The following SEMA5A variants were observed in gnomAD, a reference collection of about 807,000 sequenced individuals.
SEMA5A encodes the protein semaphorin-5A.
SEMA5A carries 55 observed loss-of-function variants against 135.5 expected under a neutral mutation model. That is an observed-to-expected ratio of 0.41 (90% CI 0.33 to 0.51). SEMA5A has a LOEUF of 0.51. Ranked by LOEUF, SEMA5A falls within the 20% of genes least tolerant of loss-of-function variation. The pLI, the probability that SEMA5A is intolerant of heterozygous loss-of-function variation, is 0.37. For synonymous variants in SEMA5A, 580 were observed against 546.5 expected, an observed-to-expected ratio of 1.06 and a Z score of -0.85; for missense variants, 1,290 against 1,419.9, an observed-to-expected ratio of 0.91 and a Z score of 1.47.
chr5:9,094,200 T>C (rs946459100), intron 16 of SEMA5A, among the ~76,000 whole-genome samples: 2 of 152,232 alleles, frequency 1.3e-5, no homozygotes, highest in African/African-American at 2.4e-5. Context: ...CATGTTTTCA[T>C]TGACTAAATA....
At chr5:9,405,903 A>G (rs545483244) in intron 2 of SEMA5A, among the ~76,000 whole-genome samples, 19 of 152,320 alleles carry the variant, frequency 1.2e-4, no homozygotes, top group South Asian at 2.1e-4. Flanking sequence ...TGCATCATAT[A>G]AGGTCACAAG....
chr5:9,315,875 G>C (rs1224413310), intron 5 of SEMA5A, among the ~76,000 whole-genome samples: 1 of 152,026 alleles, frequency 6.6e-6, no homozygotes, highest in Non-Finnish European at 1.5e-5. Flanking sequence ...TAATTAATAA[G>C]TATCATATAG....
intron 11 of SEMA5A, among the ~76,000 whole-genome samples, chr5:9,173,677 C>T (rs1471959427): frequency 6.6e-6 from 1 of 152,174 alleles, no homozygotes; most frequent in African/African-American, 2.4e-5. Context: ...AAGGTTTCAA[C>T]TTATTTTCAA....
In SEMA5A at chr5:9,520,274, G is replaced by T. The variant is rs574231610; in HGVS notation, c.-175+25310C>A. ...TGGACATACAGTGAAGGAAGCAAAG[G>T]CTCTGCCTCGTGGGACCCACACTCC... On this transcript the variant is annotated intron_variant, in intron 1 of 22. Transcript: ENST00000382496. Among the ~76,000 whole-genome samples, 7 of 152,350 alleles carry T rather than the reference G, an allele frequency of 4.6e-5. No homozygotes were observed. In the East Asian group the frequency reaches 1.2e-3, roughly 25 times the overall value.
intron 16 of SEMA5A, among the ~76,000 whole-genome samples, chr5:9,071,143 C>A (rs534752523): frequency 2.0e-4 from 30 of 152,230 alleles, no homozygotes; most frequent in African/African-American, 6.7e-4. Flanking sequence ...TAAATAATTC[C>A]TCCAAATATG....
intron 1 of SEMA5A, among the ~76,000 whole-genome samples, chr5:9,444,015 C>A (rs1335171381): frequency 1.3e-5 from 2 of 152,210 alleles, no homozygotes; most frequent in Non-Finnish European, 1.5e-5. Flanking sequence ...GGGTCAGAGG[C>A]TGATCCATGG....
At chr5:9,487,362 C>T (rs1311067401) in intron 1 of SEMA5A, among the ~76,000 whole-genome samples, 1 of 152,010 alleles carries the variant, frequency 6.6e-6, no homozygotes, top group Non-Finnish European at 1.5e-5. Context: ...AAACTGAAGG[C>T]CAGGGAGTTA....
intron 4 of SEMA5A, among the ~76,000 whole-genome samples, chr5:9,337,243 A>G (rs904980254): frequency 1.3e-5 from 2 of 152,196 alleles, no homozygotes; most frequent in African/African-American, 2.4e-5. Context: ...GCCTTGGGGT[A>G]CACATCAAGA....
At chr5:9,217,712 T>A (rs1746713098) in intron 8 of SEMA5A, among the ~76,000 whole-genome samples, 1 of 152,250 alleles carries the variant, frequency 6.6e-6, no homozygotes, top group South Asian at 2.1e-4. Flanking sequence ...TTCTTTTTTC[T>A]TTGACTGTCT....
intron 1 of SEMA5A, among the ~76,000 whole-genome samples, chr5:9,496,752 A>G (rs908987046): frequency 6.6e-6 from 1 of 152,190 alleles, no homozygotes; most frequent in Admixed American, 6.5e-5. Context: ...GTATTCAATT[A>G]CCTGAGGAAG....
chr5:9,252,636 G>T (rs1227042890), intron 5 of SEMA5A, among the ~76,000 whole-genome samples: 1 of 152,142 alleles, frequency 6.6e-6, no homozygotes, highest in African/African-American at 2.4e-5. Context: ...AAGCATGGAG[G>T]TCATCAAGCC....
At chr5:9,229,492 G>A (rs1252706817) in intron 6 of SEMA5A, among the ~76,000 whole-genome samples, 2 of 152,098 alleles carry the variant, frequency 1.3e-5, no homozygotes, top group Non-Finnish European at 2.9e-5. Context: ...GGCAGAGTGA[G>A]GATAAAAGAA....
intron 3 of SEMA5A, among the ~76,000 whole-genome samples, chr5:9,379,427 A>C (rs892501833): frequency 6.6e-6 from 1 of 152,200 alleles, no homozygotes; most frequent in African/African-American, 2.4e-5. Context: ...ACAAAGGGCT[A>C]GGTTTGTGGC....
chr5:9,066,682 G>A (rs749153688), intron 16 of SEMA5A, 36 bp from the exon 17 acceptor site: 2 of 1,588,350 alleles, frequency 1.3e-6, no homozygotes, highest in Admixed American at 3.3e-5. Flanking sequence ...TACTATACGG[G>A]GTAAACAGAG....
intron 5 of SEMA5A, among the ~76,000 whole-genome samples, chr5:9,304,260 T>G (rs1196606590): frequency 6.6e-6 from 1 of 152,132 alleles, no homozygotes; most frequent in East Asian, 1.9e-4. Flanking sequence ...ACTTTCTCTT[T>G]GTTAAACTTG....
At chr5:9,504,910 G>C (rs1302318974) in intron 1 of SEMA5A, among the ~76,000 whole-genome samples, 2 of 152,186 alleles carry the variant, frequency 1.3e-5, no homozygotes, top group Non-Finnish European at 2.9e-5. Flanking sequence ...TTCTCCAAAG[G>C]CTTCCATTTT....
At chr5:9,538,268 C>A (rs1024468916) in intron 1 of SEMA5A, among the ~76,000 whole-genome samples, 4 of 109,956 alleles carry the variant, frequency 3.6e-5, no homozygotes, top group Admixed American at 1.9e-4. Context: ...TCTCTAAGAG[C>A]GGGGCGGGGG....
At position 9,051,932 on chromosome 5, in the gene SEMA5A, T is replaced by C. The variant is rs758270131; in HGVS notation, c.2786A>G (p.Gln929Arg). The C allele has an allele frequency of 1.9e-6, 3 of 1,614,186 alleles. No individual in the cohort carries two copies. Among genetic ancestry groups the C allele is most frequent in the East Asian group, 2.2e-5 (1 of 44,876 alleles). The change falls in exon 20 of 23, where the codon CAG becomes CGG. Residue 929 changes from glutamine to arginine, a missense_variant. This residue lies in a region of SEMA5A where 1,029 missense variants were observed against 1,086.6 expected (regional missense o/e 0.95). Coordinates refer to ENST00000382496, the MANE Select transcript of SEMA5A (RefSeq NM_003966.3). ...QCILLFPMGS[Q>R]CSGNTTESRP... ...GCTCTCCGTGGTGTTCCCGGAGCAC[T>C]GGCTGCCCATGGGGAACAGGAGGAT...
chr5:9,472,947 C>A (rs1447581847), intron 1 of SEMA5A, among the ~76,000 whole-genome samples: 1 of 150,244 alleles, frequency 6.7e-6, no homozygotes, highest in Non-Finnish European at 1.5e-5. Context: ...CCTTTAAAAG[C>A]AGAATTTTAA....
Sources: allele counts gnomAD v4.1 joint callset (sites outside exome capture counted in the v4.1 genomes callset), GRCh38; gene constraint gnomAD v4.1.1; regional missense constraint gnomAD v4.1.1; transcripts MANE v1.5; gene names NCBI Gene and HGNC (gene_info 2026-07-23, HGNC 2026-07-21).